EXOC6: variants seen among roughly 807,000 people sequenced by gnomAD.
EXOC6 encodes the protein exocyst complex component 6.
A neutral mutation model predicts 112.5 loss-of-function variants in EXOC6; 60 were observed. The ratio of observed to expected loss-of-function variants is 0.53; its 90% CI spans 0.43 to 0.66. The LOEUF is 0.66. Among genes scored for constraint, EXOC6 ranks in the 30% least tolerant of loss-of-function variants. EXOC6 has a pLI of 0.00. For synonymous variants in EXOC6, 295 were observed against 308.0 expected (o/e 0.96, Z 0.44); for missense variants, 855 against 957.1 (o/e 0.89, Z 1.41).
chr10:92,927,462 A>G (rs976155511), intron 8 of EXOC6, among the ~76,000 whole-genome samples: 3 of 152,244 alleles, frequency 2.0e-5, no homozygotes, highest in African/African-American at 7.2e-5. Context: ...GTGAGGTAGT[A>G]AAGATAGATC....
intron 6 of EXOC6, among the ~76,000 whole-genome samples, chr10:92,914,207 T>C (rs528047133): frequency 6.6e-6 from 1 of 152,292 alleles, no homozygotes; most frequent in African/African-American, 2.4e-5. Context: ...GAACTGTGCA[T>C]GCGGGGCATC....
intron 4 of EXOC6, among the ~76,000 whole-genome samples, chr10:92,897,525 C>A (rs1302049572): frequency 1.3e-5 from 2 of 152,168 alleles, no homozygotes; most frequent in African/African-American, 4.8e-5. Context: ...GGCAAACCTG[C>A]CTCCTATTTT....
At chr10:92,974,676 C>T (rs973265486) in intron 18 of EXOC6, among the ~76,000 whole-genome samples, 2 of 151,096 alleles carry the variant, frequency 1.3e-5, no homozygotes, top group Non-Finnish European at 3.0e-5. Flanking sequence ...CCTGATTCTC[C>T]TGCCTCAGCC....
chr10:92,923,873 T>G (rs566664138), intron 8 of EXOC6, among the ~76,000 whole-genome samples: 1 of 152,252 alleles, frequency 6.6e-6, no homozygotes, highest in African/African-American at 2.4e-5. Context: ...TCACTGATAC[T>G]CAGTACTACC....
intron 20 of EXOC6, among the ~76,000 whole-genome samples, chr10:93,019,100 T>G (rs375322820): frequency 6.6e-5 from 10 of 152,106 alleles, no homozygotes; most frequent in East Asian, 1.9e-4. Context: ...TGTATTTATT[T>G]ATTGATTGAT....
intron 17 of EXOC6, among the ~76,000 whole-genome samples, chr10:92,968,991 C>A (rs1263537803): frequency 6.6e-6 from 1 of 152,062 alleles, no homozygotes; most frequent in African/African-American, 2.4e-5. Context: ...TAAATGGCTA[C>A]AAATTCCTTG....
intron 20 of EXOC6, among the ~76,000 whole-genome samples, chr10:93,018,786 G>T (rs936598573): frequency 3.3e-5 from 5 of 151,826 alleles, no homozygotes; most frequent in African/African-American, 1.2e-4. Flanking sequence ...AATCTGGGAG[G>T]TGAGGATGAT....
intron 6 of EXOC6, among the ~76,000 whole-genome samples, chr10:92,914,160 C>T (rs1047208745): frequency 4.2e-4 from 64 of 152,244 alleles, no homozygotes; most frequent in African/African-American, 1.4e-3. Flanking sequence ...GTCAGATCAG[C>T]GGCATTCGAT....
upstream of EXOC6, among the ~76,000 whole-genome samples, chr10:92,832,253 T>C (rs1589662704): frequency 6.6e-6 from 1 of 152,194 alleles, no homozygotes; most frequent in East Asian, 1.9e-4. Context: ...ATTTCTTGAG[T>C]ATCTACTATA....
At chr10:92,865,808 A>G (rs1848147055) in intron 1 of EXOC6, among the ~76,000 whole-genome samples, 1 of 152,120 alleles carries the variant, frequency 6.6e-6, no homozygotes. Context: ...CAATCAAAAC[A>G]TGTTTTCTAT....
intron 20 of EXOC6, among the ~76,000 whole-genome samples, chr10:93,018,905 G>A (rs1046491584): frequency 6.6e-6 from 1 of 151,576 alleles, no homozygotes; most frequent in African/African-American, 2.4e-5. Flanking sequence ...TTACATACAG[G>A]TGTCTGGTGA....
Position 92,919,964 on chromosome 10 carries a change from A to G in EXOC6, c.820-18A>G, listed in dbSNP as rs1418537592. 6.4e-7 allele frequency: 1 copy of G among 1,553,116 alleles called. No homozygotes were observed. Among genetic ancestry groups the G allele is most frequent in the Non-Finnish European group, 8.8e-7 (1 of 1,142,782 alleles). ...ATAGTTTGACCTATAATTTTTTTAA[A>G]AATGGTTTAATTTTCAGATCTTAAC... On this transcript the variant is annotated intron_variant, in intron 7 of 21. Coordinates refer to ENST00000260762, the MANE Select transcript of EXOC6 (RefSeq NM_019053.6).
At chr10:92,995,581 T>G (rs1480845258) in intron 18 of EXOC6, among the ~76,000 whole-genome samples, 1 of 152,202 alleles carries the variant, frequency 6.6e-6, no homozygotes, top group Admixed American at 6.6e-5. Flanking sequence ...CTGAAGCCTA[T>G]TACATTGTAA....
At position 92,915,769 on chromosome 10, in the gene EXOC6, G is replaced by T; in HGVS notation, c.675G>T (p.Gln225His). 1 of 1,525,686 alleles carries T rather than the reference G, an allele frequency of 6.6e-7. No homozygotes were observed. Among genetic ancestry groups the T allele is most frequent in the South Asian group, 1.3e-5 (1 of 75,058 alleles). 94.5% of individuals were successfully genotyped at this position (1,525,686 alleles called of 1,614,324 possible). A position where few individuals can be genotyped will look rare whatever the true frequency, so the allele number is the denominator to read the frequency against. Residue 225 changes from glutamine to histidine, a missense_variant, in exon 7 of 22, where the codon CAG becomes CAT. Gln to His is a conservative substitution (Grantham distance 24). Transcript: ENST00000260762. The stretch of plus-strand genomic sequence containing the variant: ...TCTCTTCAAAATAGGCACAGCATCA[G>T]AAAACCTTCAGTGTTTCTCTGCAGA... ...GETAMKQAQH[Q>H]KTFSVSLQKQ...
At chr10:92,998,534 C>T (rs2134181681) in intron 19 of EXOC6, among the ~76,000 whole-genome samples, 1 of 151,832 alleles carries the variant, frequency 6.6e-6, no homozygotes. Flanking sequence ...TTTGTGCCCA[C>T]TCTGTATAAG....
intron 4 of EXOC6, among the ~76,000 whole-genome samples, chr10:92,895,982 A>T (rs1280874434): frequency 7.0e-6 from 1 of 141,988 alleles, no homozygotes; most frequent in Admixed American, 7.1e-5. Context: ...GAATGAGATG[A>T]TGAGATGTTT....
chr10:92,934,013 T>C, intron 9 of EXOC6, 131 bp from the exon 10 acceptor site: 1 of 537,492 alleles, frequency 1.9e-6, no homozygotes, highest in Non-Finnish European at 3.3e-6. Context: ...ATATCCCTGG[T>C]ACCTAAAAAT....
At chr10:92,958,777 C>T (rs1254411845) in intron 17 of EXOC6, among the ~76,000 whole-genome samples, 1 of 152,152 alleles carries the variant, frequency 6.6e-6, no homozygotes, top group Non-Finnish European at 1.5e-5. Context: ...ACTGATACTA[C>T]CCATCTTCAA....
intron 17 of EXOC6, among the ~76,000 whole-genome samples, chr10:92,962,398 G>T (rs972149488): frequency 2.0e-5 from 3 of 150,056 alleles, no homozygotes; most frequent in South Asian, 2.1e-4. Flanking sequence ...TATATATATG[G>T]TTTTTTTTTG....
Sources: gnomAD v4.1 joint callset for allele counts (sites outside exome capture counted in the v4.1 genomes callset) on GRCh38, gnomAD v4.1.1 for gene constraint, MANE v1.5 for transcripts, NCBI Gene and HGNC (gene_info 2026-07-23, HGNC 2026-07-21) for gene names.